Variants in MAN2A1 observed in about 807,000 individuals in gnomAD.
MAN2A1 encodes mannosidase alpha class 2A member 1.
Under a neutral mutation model 142.6 loss-of-function variants are expected in MAN2A1, and 76 were observed. The observed-to-expected ratio is 0.53, with a 90% CI of 0.44 to 0.65. MAN2A1 has a LOEUF of 0.65. MAN2A1 is among the 30% of genes least tolerant of loss of function. MAN2A1 has a pLI of 0.00. For synonymous variants in MAN2A1, 559 were observed against 473.2 expected, an observed-to-expected ratio of 1.18 and a Z score of -2.35; for missense variants, 1,311 against 1,365.1, an observed-to-expected ratio of 0.96 and a Z score of 0.62.
intron 5 of MAN2A1, among the ~76,000 whole-genome samples, chr5:109,756,917 A>G (rs1226781832): frequency 6.6e-6 from 1 of 152,204 alleles, no homozygotes; most frequent in East Asian, 1.9e-4. Context: ...GGGTGCCTAC[A>G]TGACCAGCCC....
At chr5:109,699,210 T>C (rs1339480087) in intron 1 of MAN2A1, among the ~76,000 whole-genome samples, 1 of 152,176 alleles carries the variant, frequency 6.6e-6, no homozygotes, top group Non-Finnish European at 1.5e-5. Context: ...CCACTCAATT[T>C]CTCTTCCTTC....
chr5:109,701,067 A>ACC (rs1370130663), intron 1 of MAN2A1, among the ~76,000 whole-genome samples: 1 of 152,212 alleles, frequency 6.6e-6, no homozygotes, highest in African/African-American at 2.4e-5. Flanking sequence ...CAATGGACAG[A>ACC]GATTTGTAGC....
At chr5:109,832,814 G>C (rs985144473) in intron 16 of MAN2A1, among the ~76,000 whole-genome samples, 2 of 151,814 alleles carry the variant, frequency 1.3e-5, no homozygotes, top group African/African-American at 4.8e-5. Context: ...CTGGGTGGGG[G>C]CTGTCCCCCA....
At chr5:109,705,580 G>C (rs1296244258) in intron 1 of MAN2A1, among the ~76,000 whole-genome samples, 1 of 152,116 alleles carries the variant, frequency 6.6e-6, no homozygotes, top group Non-Finnish European at 1.5e-5. Context: ...AAGAATATAA[G>C]CTTTATTTTT....
intron 8 of MAN2A1, among the ~76,000 whole-genome samples, chr5:109,776,035 ATTTG>A (rs910069277): frequency 2.7e-5 from 4 of 149,228 alleles, no homozygotes; most frequent in African/African-American, 9.9e-5. Context: ...AACTTTTATC[ATTTG>A]TTTGTGTTGG....
intron 10 of MAN2A1, 79 bp downstream of exon 10, chr5:109,785,005 T>C (rs1020374527): frequency 8.6e-6 from 9 of 1,046,720 alleles, no homozygotes; most frequent in Admixed American, 2.6e-5. Context: ...TTGGTGAAGT[T>C]GTTAGTGTAT....
chr5:109,784,807 T>G lies in MAN2A1; in HGVS notation c.1641T>G (p.Phe547Leu), dbSNP rs200918649. 1.2e-6 allele frequency: 2 copies of G among 1,611,770 alleles called. No individual in the cohort carries two copies. The highest frequency in any genetic ancestry group is 1.7e-6 in the Non-Finnish European group (2 of 1,179,164). ...CTCACAAATACAAGATAAATAAATT[T>G]CTCTCATCATCACTTTACACGGCAC... The part of the protein sequence containing the change: ...RQAHKYKINK[F>L]LSSSLYTALT... The change falls in exon 10 of 22, where the codon TTT (phenylalanine) becomes TTG (leucine). Residue 547 changes from phenylalanine (F) to leucine (L), a missense_variant. By Grantham distance (22) the Phe-to-Leu change is conservative. Coordinates refer to ENST00000261483, the MANE Select transcript of MAN2A1 (RefSeq NM_002372.4).
intron 13 of MAN2A1, among the ~76,000 whole-genome samples, chr5:109,819,142 CTATTTA>C (rs1754552157): frequency 6.6e-6 from 1 of 152,174 alleles, no homozygotes; most frequent in South Asian, 2.1e-4. Context: ...ATTACATAAG[CTATTTA>C]TATTTAGTAT....
chr5:109,867,129 TTTC>T lies in MAN2A1; in HGVS notation c.*134_*136del, dbSNP rs1755905239. On this transcript the variant is annotated 3_prime_UTR_variant, in exon 22 of 22. Coordinates refer to ENST00000261483, the MANE Select transcript of MAN2A1 (RefSeq NM_002372.4). ...ATGAATTCTGTGATTCTGTGGGTTT[TTTC>T]TTTTTTCTTTTACCAGTACAGTAAG... 2 of 572,974 alleles carry T rather than the reference TTTC, an allele frequency of 3.5e-6. No homozygotes were observed. Among genetic ancestry groups the T allele is most frequent in the African/African-American group, 2.0e-5 (1 of 50,678 alleles). 35.5% of individuals were successfully genotyped at this position (572,974 alleles called of 1,614,324 possible). A position where few individuals can be genotyped will look rare whatever the true frequency, so the allele number is the denominator to read the frequency against.
At chr5:109,776,370 C>T (rs954251912) in intron 8 of MAN2A1, among the ~76,000 whole-genome samples, 5 of 151,884 alleles carry the variant, frequency 3.3e-5, no homozygotes, top group African/African-American at 4.8e-5. Flanking sequence ...GAACTCGGAT[C>T]CTAGGGGTAT....
intron 12 of MAN2A1, among the ~76,000 whole-genome samples, chr5:109,791,448 A>AGTTTT (rs1289614739): frequency 1.3e-5 from 2 of 152,088 alleles, no homozygotes; most frequent in African/African-American, 2.4e-5. Flanking sequence ...AGGTACTGAA[A>AGTTTT]GTAAAATAAT....
intron 19 of MAN2A1, 46 bp from the exon 20 acceptor site, chr5:109,855,094 A>G (rs757333752): frequency 3.5e-5 from 36 of 1,022,164 alleles, no homozygotes; most frequent in South Asian, 2.3e-4. Context: ...ATATGATGAG[A>G]ACTGGAAATA....
At position 109,828,435 on chromosome 5, in the gene MAN2A1, C is replaced by T. The variant is rs557460520; in HGVS notation, c.2566+4598C>T. 2.6e-5 allele frequency among the ~76,000 whole-genome samples: 4 copies of T among 152,272 alleles called. No homozygotes were observed. The South Asian group carries it at 8.3e-4, about 32-fold the overall frequency. On this transcript the variant is annotated intron_variant, in intron 16 of 21. Coordinates refer to ENST00000261483, the MANE Select transcript of MAN2A1 (RefSeq NM_002372.4). ...TCTTGTGTTTTATTTAATACTGCACCTACAAGGAAAGTACATACCTTGCAA... is the reference window on the plus strand; with the variant it reads ...TCTTGTGTTTTATTTAATACTGCACTTACAAGGAAAGTACATACCTTGCAA...
At chr5:109,788,261 G>C (rs77142142) in intron 10 of MAN2A1, among the ~76,000 whole-genome samples, 2,805 of 150,920 alleles carry the variant, frequency 0.019, 34 homozygotes, top group Middle Eastern at 0.072. Context: ...TTTTCCATGA[G>C]TAATGCTTCA....
chr5:109,825,237 C>A (rs1390540439), intron 16 of MAN2A1, among the ~76,000 whole-genome samples: 1 of 152,162 alleles, frequency 6.6e-6, no homozygotes, highest in Non-Finnish European at 1.5e-5. Context: ...TATAGCATTA[C>A]CCCACAGAAG....
intron 15 of MAN2A1, among the ~76,000 whole-genome samples, 171 bp from the exon 16 acceptor site, chr5:109,823,552 C>T (rs1046503857): frequency 1.3e-5 from 2 of 152,080 alleles, no homozygotes; most frequent in Admixed American, 6.6e-5. Flanking sequence ...ATAAAAAACA[C>T]GTTCAGTTTT....
chr5:109,703,375 A>G (rs17162087), intron 1 of MAN2A1, among the ~76,000 whole-genome samples: 8,179 of 152,298 alleles, frequency 0.054, 222 homozygotes, highest in Non-Finnish European at 0.064. Context: ...GCATTTGTCA[A>G]ACATGTAAGA....
intron 16 of MAN2A1, among the ~76,000 whole-genome samples, chr5:109,839,696 A>G (rs567569056): frequency 1.2e-3 from 180 of 144,028 alleles, no homozygotes; most frequent in Middle Eastern, 7.4e-3. Flanking sequence ...TTCCTCACCC[A>G]TGGAGATGGT....
intron 1 of MAN2A1, among the ~76,000 whole-genome samples, chr5:109,706,753 A>G (rs1341629206): frequency 6.6e-6 from 1 of 151,854 alleles, no homozygotes; most frequent in African/African-American, 2.4e-5. Flanking sequence ...ATTTGAAGGA[A>G]AAAAAAAACA....
Sources: allele counts gnomAD v4.1 joint callset (sites outside exome capture counted in the v4.1 genomes callset), GRCh38; gene constraint gnomAD v4.1.1; transcripts MANE v1.5; gene names NCBI Gene and HGNC (gene_info 2026-07-23, HGNC 2026-07-21).